The following GAD2 variants were observed in gnomAD, a reference collection of about 807,000 sequenced individuals.
The protein encoded by GAD2 is 65 kDa glutamic acid decarboxylase.
GAD2 carries 22 observed loss-of-function variants against 80.1 expected under a neutral mutation model. That is an observed-to-expected ratio of 0.27 (90% CI 0.20 to 0.39). The LOEUF is 0.39. Ranked by LOEUF, GAD2 falls within the 10% of genes least tolerant of loss-of-function variation. GAD2 has a pLI of 1.00. For synonymous variants in GAD2, 274 were observed against 256.9 expected (o/e 1.07, Z -0.64); for missense variants, 624 against 738.4 (o/e 0.85, Z 1.80).
intron 6 of GAD2, among the ~76,000 whole-genome samples, chr10:26,226,907 AGGAAAGAAAGCTT>A (rs1163513244): frequency 6.6e-6 from 1 of 152,232 alleles, no homozygotes; most frequent in Non-Finnish European, 1.5e-5. Context: ...AAGAGGGGCT[AGGAAAGAAAGCTT>A]GGCTTAGTCA....
chr10:26,222,303 C>T (rs73594324), intron 4 of GAD2, among the ~76,000 whole-genome samples: 246 of 152,096 alleles, frequency 1.6e-3, no homozygotes, highest in African/African-American at 5.6e-3. Context: ...GTTTTCATTC[C>T]CAAGTTTCCC....
At chr10:26,259,365 AT>A (rs1259720082) in intron 8 of GAD2, among the ~76,000 whole-genome samples, 1 of 151,920 alleles carries the variant, frequency 6.6e-6, no homozygotes, top group African/African-American at 2.4e-5. Context: ...ACCACTTGTT[AT>A]TTTTTGGGTT....
At chr10:26,249,708 G>A (rs938152302) in intron 8 of GAD2, among the ~76,000 whole-genome samples, 3 of 152,214 alleles carry the variant, frequency 2.0e-5, no homozygotes, top group Admixed American at 6.5e-5. Context: ...GGTCTTGGAT[G>A]AGTCCACCAG....
At chr10:26,242,435 A>G (rs7915657) in intron 7 of GAD2, among the ~76,000 whole-genome samples, 4,504 of 152,204 alleles carry the variant, frequency 0.03, 201 homozygotes, top group African/African-American at 0.1. Flanking sequence ...AAGTGGTGCT[A>G]AGGAATAAAA....
At chr10:26,243,076 A>G (rs545725765) in intron 7 of GAD2, among the ~76,000 whole-genome samples, 1 of 152,166 alleles carries the variant, frequency 6.6e-6, no homozygotes, top group African/African-American at 2.4e-5. Context: ...GAGGTCATGC[A>G]TCTTTACAAA....
intron 10 of GAD2, 102 bp from the exon 11 acceptor site, chr10:26,273,534 G>C: frequency 1.1e-6 from 1 of 923,426 alleles, no homozygotes; most frequent in East Asian, 2.5e-5. Context: ...AACTTCCTAA[G>C]TGGCCTGGGG....
At chr10:26,299,785 G>C (rs559034329) in intron 15 of GAD2, among the ~76,000 whole-genome samples, 1 of 152,302 alleles carries the variant, frequency 6.6e-6, no homozygotes, top group East Asian at 1.9e-4. Flanking sequence ...CAGCTTAAAG[G>C]AAGAGAGCTA....
intron 7 of GAD2, among the ~76,000 whole-genome samples, chr10:26,239,612 G>A (rs1448248347): frequency 1.3e-5 from 2 of 152,200 alleles, no homozygotes; most frequent in East Asian, 3.8e-4. Flanking sequence ...CTGTGTTCTC[G>A]TAGTGGACAC....
At chr10:26,229,077 C>G (rs562566889) in intron 6 of GAD2, among the ~76,000 whole-genome samples, 6 of 152,032 alleles carry the variant, frequency 3.9e-5, no homozygotes, top group African/African-American at 1.4e-4. Context: ...GCCTGTGGTC[C>G]CAGCTTCTTG....
At chr10:26,292,058 C>T (rs989260064) in intron 13 of GAD2, among the ~76,000 whole-genome samples, 3 of 152,096 alleles carry the variant, frequency 2.0e-5, no homozygotes, top group East Asian at 1.9e-4. Flanking sequence ...AAAATGTGCA[C>T]GTTGGAGGGG....
At chr10:26,243,208 G>C (rs1195458108) in intron 7 of GAD2, among the ~76,000 whole-genome samples, 1 of 152,128 alleles carries the variant, frequency 6.6e-6, no homozygotes, top group Non-Finnish European at 1.5e-5. Context: ...TAGCTGCACT[G>C]AGCTTGTCAA....
At chr10:26,270,024 G>A (rs982759687) in intron 9 of GAD2, among the ~76,000 whole-genome samples, 16 of 152,156 alleles carry the variant, frequency 1.1e-4, no homozygotes, top group African/African-American at 2.4e-4. Context: ...GGACTATGGC[G>A]ATCCTGTTTG....
chr10:26,219,033 C>A lies in GAD2; in HGVS notation c.287-10C>A. ...AAATTAAAATGTGGCATTTTAATTT[C>A]ATTCTTTAGACCTGCTGCCGGCGTG... On this transcript the variant is annotated splice_polypyrimidine_tract_variant and intron_variant, in intron 3 of 15. Coordinates refer to ENST00000376261, the MANE Select transcript of GAD2 (RefSeq NM_001134366.2). 6.6e-7 allele frequency: 1 copy of A among 1,526,368 alleles called. No individual in the cohort carries two copies. Among genetic ancestry groups the A allele is most frequent in the South Asian group, 1.3e-5 (1 of 77,814 alleles). 94.6% of individuals were successfully genotyped at this position (1,526,368 alleles called of 1,614,324 possible). A position where few individuals can be genotyped will look rare whatever the true frequency, so the allele number is the denominator to read the frequency against.
chr10:26,294,050 G>C (rs1256449521), intron 15 of GAD2, among the ~76,000 whole-genome samples: 1 of 152,198 alleles, frequency 6.6e-6, no homozygotes, highest in African/African-American at 2.4e-5. Context: ...GGGTGAAATG[G>C]GGTTTACAGT....
intron 14 of GAD2, 134 bp from the exon 15 acceptor site, chr10:26,292,768 C>T (rs1589154765): frequency 1.1e-6 from 1 of 871,372 alleles, no homozygotes; most frequent in East Asian, 2.4e-5. Context: ...AAAATCATGC[C>T]CTCCAATGGC....
intron 7 of GAD2, among the ~76,000 whole-genome samples, chr10:26,233,095 T>A (rs1406901131): frequency 7.9e-5 from 12 of 152,196 alleles, no homozygotes; most frequent in African/African-American, 2.9e-4. Context: ...AGCAACCTTA[T>A]GGGACAAGTA....
intron 6 of GAD2, chr10:26,224,906 C>T: frequency 2.3e-6 from 1 of 434,112 alleles, no homozygotes; most frequent in South Asian, 3.2e-5. Flanking sequence ...AGTGCTTCTA[C>T]TGTGACCCTA....
Position 26,224,610 on chromosome 10 carries a change from T to C in GAD2, c.683T>C (p.Ile228Thr), listed in dbSNP as rs143186590. The C allele has an allele frequency of 8.5e-4, 1,376 of 1,613,996 alleles. 13 individuals are homozygous for C. The Admixed American group carries it at 0.012, about 14-fold the overall frequency. ...ACACTAAAGAAAATGAGAGAAATCA[T>C]TGGCTGGCCAGGGGGCTCTGGCGAT... ...YVTLKKMREI[I>T]GWPGGSGDGI... Residue 228 changes from isoleucine to threonine, a missense_variant, in exon 6 of 16, where the codon ATT becomes ACT. Ile to Thr is a moderately conservative substitution (Grantham distance 89). Transcript: ENST00000376261.
chr10:26,300,711 C>T, intron 15 of GAD2, 77 bp from the exon 16 acceptor site: 1 of 1,341,694 alleles, frequency 7.5e-7, no homozygotes, highest in Non-Finnish European at 1.0e-6. Flanking sequence ...ACTAAAGACG[C>T]TGCTTGCTGT....
Sources: allele counts gnomAD v4.1 joint callset (sites outside exome capture counted in the v4.1 genomes callset), GRCh38; gene constraint gnomAD v4.1.1; transcripts MANE v1.5; gene names NCBI Gene and HGNC (gene_info 2026-07-23, HGNC 2026-07-21).